The following ZNF517 variants were observed in gnomAD, a reference collection of about 807,000 sequenced individuals.
ZNF517 encodes zinc finger protein 517.
In ZNF517, 12 loss-of-function variants were observed where a neutral mutation model predicts 12.1. That is an observed-to-expected ratio of 0.99 (90% CI 0.63 to 1.61). ZNF517 has a LOEUF of 1.61. ZNF517 is among the 40% of genes most tolerant of loss of function. ZNF517 has a pLI of 0.00. For synonymous variants in ZNF517, 388 were observed against 310.2 expected, an observed-to-expected ratio of 1.25 and a Z score of -2.63; for missense variants, 781 against 693.2, an observed-to-expected ratio of 1.13 and a Z score of -1.42.
intron 4 of ZNF517, among the ~76,000 whole-genome samples, chr8:144,806,145 T>C (rs899660644): frequency 2.6e-5 from 4 of 152,230 alleles, no homozygotes; most frequent in Admixed American, 6.5e-5. Flanking sequence ...CTATGGCCCA[T>C]GTGCCAGGGA....
intron 3 of ZNF517, 73 bp from the exon 4 acceptor site, chr8:144,804,052 C>A: frequency 6.9e-7 from 1 of 1,446,574 alleles, no homozygotes; most frequent in African/African-American, 1.4e-5. Flanking sequence ...GCCCTGATGG[C>A]CTCCAGCCAG....
downstream of ZNF517, among the ~76,000 whole-genome samples, chr8:144,811,358 A>G (rs1024320425): frequency 2.6e-5 from 4 of 152,228 alleles, no homozygotes; most frequent in African/African-American, 9.6e-5. Context: ...CTGAACCTCT[A>G]CTGTGCAGCG....
Position 144,808,036 on chromosome 8 carries a change from G to C in ZNF517, c.1120G>C (p.Gly374Arg). The change falls in exon 5 of 5, where the codon GGG becomes CGG. Residue 374 changes from glycine to arginine, a missense_variant. By Grantham distance (125) the Gly-to-Arg change is moderately radical. Coordinates refer to ENST00000359971, the MANE Select transcript of ZNF517 (RefSeq NM_213605.3). ...GDPPHECPVCGRPFRHNSLLL... is the reference protein window; with the variant it reads ...GDPPHECPVCRRPFRHNSLLL... ...CCCGCCCCACGAGTGCCCGGTGTGC[G>C]GGAGGCCGTTCCGACACAACTCCCT... 6.3e-7 allele frequency: 1 copy of C among 1,598,902 alleles called. No homozygotes were observed. The highest frequency in any genetic ancestry group is 8.5e-7 in the Non-Finnish European group (1 of 1,173,180).
chr8:144,810,351 G>A (rs1263538177), downstream of ZNF517: 2 of 514,560 alleles, frequency 3.9e-6, no homozygotes, highest in Non-Finnish European at 7.1e-6. Flanking sequence ...CCCCTCCAAG[G>A]CCCACTGCTC....
chr8:144,810,283 G>A (rs1310962300), downstream of ZNF517: 11 of 596,796 alleles, frequency 1.8e-5, no homozygotes, highest in Non-Finnish European at 3.1e-5. Flanking sequence ...GGGGGATTGA[G>A]TTACCTGCCC....
intron 1 of ZNF517, among the ~76,000 whole-genome samples, chr8:144,800,078 G>A (rs1375864236): frequency 6.6e-6 from 1 of 152,110 alleles, no homozygotes; most frequent in Admixed American, 6.5e-5. Context: ...GTAGTGAGCC[G>A]GGTGCCCCAG....
intron 1 of ZNF517, among the ~76,000 whole-genome samples, chr8:144,801,138 A>G (rs192325435): frequency 7.9e-5 from 12 of 152,200 alleles, no homozygotes; most frequent in Non-Finnish European, 1.3e-4. Context: ...CTCTAAACAC[A>G]TGCTTTTTGT....
Position 144,804,179 on chromosome 8 carries a change from C to T in ZNF517, c.215C>T (p.Pro72Leu), listed in dbSNP as rs906357573. 13 of 1,614,000 alleles carry T rather than the reference C, an allele frequency of 8.1e-6. No individual in the cohort carries two copies. Among genetic ancestry groups the T allele is most frequent in the South Asian group, 2.2e-5 (2 of 91,074 alleles). ...TCCCTATTGGAGCAAGGAGAGGAGC[C>T]GGGGGCCTTGATTCTGCAGGTGGCT... ...LISLLEQGEEPGALILQVAEQ... is the reference protein window; with the variant it reads ...LISLLEQGEELGALILQVAEQ... Residue 72 changes from proline to leucine, a missense_variant, in exon 4 of 5, where the codon CCG becomes CTG. Transcript: ENST00000359971.
chr8:144,808,188 C>A lies in ZNF517; in HGVS notation c.1272C>A (p.Phe424Leu), dbSNP rs1827380791. Residue 424 changes from phenylalanine to leucine, a missense_variant, in exon 5 of 5, where the codon TTC becomes TTA. By Grantham distance (22) the Phe-to-Leu change is conservative. Coordinates refer to ENST00000359971, the MANE Select transcript of ZNF517 (RefSeq NM_213605.3). ...AGATCCACACCAAGGAGAAGCCCTT[C>A]GCGTGCACCGAGTGCGGCAAGGCGT... ...HQKIHTKEKPFACTECGKAFR... is the reference protein window; with the variant it reads ...HQKIHTKEKPLACTECGKAFR... 1 of 1,610,106 alleles carries A rather than the reference C, an allele frequency of 6.2e-7. No individual in the cohort carries two copies. The highest frequency in any genetic ancestry group is 8.5e-7 in the Non-Finnish European group (1 of 1,178,130).
intron 4 of ZNF517, 35 bp from the exon 5 acceptor site, chr8:144,807,156 T>C (rs1827263249): frequency 2.0e-6 from 3 of 1,511,812 alleles, no homozygotes; most frequent in Non-Finnish European, 2.7e-6. Context: ...GTGTAGAGGC[T>C]GGATCATCCT....
downstream of ZNF517, chr8:144,810,289 T>C: frequency 1.7e-6 from 1 of 583,404 alleles, no homozygotes; most frequent in South Asian, 2.0e-5. Flanking sequence ...TTGAGTTACC[T>C]GCCCACTGGT....
intron 1 of ZNF517, chr8:144,800,485 A>G: frequency 2.0e-6 from 2 of 985,164 alleles, no homozygotes; most frequent in Non-Finnish European, 2.4e-6. Context: ...TTCTTACCAG[A>G]GTGGAGGGTG....
chr8:144,802,112 A>ACCAGCT (rs1826995997), intron 1 of ZNF517, among the ~76,000 whole-genome samples: 1 of 152,216 alleles, frequency 6.6e-6, no homozygotes, highest in Non-Finnish European at 1.5e-5. Context: ...GTTTTATGCT[A>ACCAGCT]CCAGCTTTAT....
Position 144,803,721 on chromosome 8 carries a change from C to G in ZNF517, c.114C>G (p.Leu38=). 1 of 1,614,172 alleles carries G rather than the reference C, an allele frequency of 6.2e-7. No individual in the cohort carries two copies. The highest frequency in any genetic ancestry group is 8.5e-7 in the Non-Finnish European group (1 of 1,180,002). The change falls in exon 3 of 5, where the codon CTC becomes CTG. Residue 38 remains leucine, a synonymous_variant. Transcript: ENST00000359971. ...GCCTGGCCCCCGACCAGCAGGCACT[C>G]TACAGGGACGTGATGCTGGAGAACT... ...WSCLAPDQQA[L]YRDVMLENYG... is the part of the protein sequence containing the mutation.
In ZNF517 at chr8:144,807,762, C is replaced by T. The variant is rs1285341560; in HGVS notation, c.846C>T (p.Phe282=). 6.2e-7 allele frequency: 1 copy of T among 1,612,246 alleles called. No homozygotes were observed. The highest frequency in any genetic ancestry group is 1.3e-5 in the African/African-American group (1 of 74,872). ...RSSRLLQHQK[F]HTGEKPFACT... ...CCCGGCTGCTGCAGCACCAGAAGTT[C>T]CACACCGGGGAGAAGCCCTTCGCGT... is the stretch of plus-strand genomic sequence containing the variant. The change falls in exon 5 of 5, where the codon TTC becomes TTT. Residue 282 remains phenylalanine, a synonymous_variant. Transcript: ENST00000359971.
chr8:144,803,001 C>T (rs990253219), intron 2 of ZNF517, 54 bp downstream of exon 2: 1 of 1,609,394 alleles, frequency 6.2e-7, no homozygotes, highest in Non-Finnish European at 8.5e-7. Flanking sequence ...CGCCCCTAGC[C>T]TCAGCTTTTC....
At chr8:144,803,245 G>A (rs1827054436) in intron 2 of ZNF517, 1 of 505,168 alleles carries the variant, frequency 2.0e-6, no homozygotes, top group African/African-American at 1.9e-5. Context: ...CCTTCCTGGT[G>A]TGAATGGTCA....
Position 144,810,002 on chromosome 8 carries a change from G to A in ZNF517, c.*1607G>A, listed in dbSNP as rs567425978. The A allele has an allele frequency of 4.7e-5, 21 of 449,226 alleles. No individual in the cohort carries two copies. Among genetic ancestry groups the A allele is most frequent in the African/African-American group, 3.2e-4 (16 of 49,688 alleles). The allele number at this position is 449,226 out of a possible 1,614,324, so 27.8% of individuals were successfully genotyped here. A position where few individuals can be genotyped will look rare whatever the true frequency, so the allele number is the denominator to read the frequency against. On this transcript the variant is annotated 3_prime_UTR_variant, in exon 5 of 5. Transcript: ENST00000359971. ...TGGGAGGTAGAGGTTGCAGTGAGCCGAGATCGAGCCACTGCACTCCAGCCT... is the reference window on the plus strand; with the variant it reads ...TGGGAGGTAGAGGTTGCAGTGAGCCAAGATCGAGCCACTGCACTCCAGCCT...
intron 4 of ZNF517, among the ~76,000 whole-genome samples, 157 bp downstream of exon 4, chr8:144,804,395 A>G (rs1339665382): frequency 6.6e-6 from 1 of 152,148 alleles, no homozygotes; most frequent in East Asian, 1.9e-4. Flanking sequence ...TTGTAGGTCT[A>G]AGGTCAAAAC....
Sources: allele counts gnomAD v4.1 joint callset (sites outside exome capture counted in the v4.1 genomes callset), GRCh38; gene constraint gnomAD v4.1.1; transcripts MANE v1.5; gene names NCBI Gene and HGNC (gene_info 2026-07-23, HGNC 2026-07-21).